Variants in MAGI2 observed in about 807,000 individuals in gnomAD.
MAGI2 encodes the protein membrane associated guanylate kinase, WW and PDZ domain containing 2.
MAGI2 carries 35 observed loss-of-function variants against 133.3 expected under a neutral mutation model. That is an observed-to-expected ratio of 0.26 (90% confidence interval 0.20 to 0.35). The LOEUF is 0.35. MAGI2 is among the 10% of genes least tolerant of loss of function. The pLI is 1.00. For synonymous variants in MAGI2, 729 were observed against 710.6 expected, an observed-to-expected ratio of 1.03 and a Z score of -0.41; for missense variants, 1,636 against 1,863.4, an observed-to-expected ratio of 0.88 and a Z score of 2.25.
chr7:78,654,195 C>G (rs1208558354), intron 2 of MAGI2, among the ~76,000 whole-genome samples: 1 of 152,134 alleles, frequency 6.6e-6, no homozygotes, highest in Non-Finnish European at 1.5e-5. Context: ...GGCTCTATCA[C>G]TTACTAGCTG....
chr7:79,092,469 TAA>T (rs1185018481), intron 1 of MAGI2, among the ~76,000 whole-genome samples: 1 of 152,204 alleles, frequency 6.6e-6, no homozygotes, highest in Non-Finnish European at 1.5e-5. Flanking sequence ...TAGAAATGAT[TAA>T]GTTTTTAACT....
chr7:78,080,294 G>T (rs1012900378), intron 20 of MAGI2, among the ~76,000 whole-genome samples: 2 of 152,222 alleles, frequency 1.3e-5, no homozygotes, highest in African/African-American at 4.8e-5. Flanking sequence ...ATACTCAGCT[G>T]CCTTTAGAAG....
chr7:78,397,648 G>T (rs1046239848), intron 6 of MAGI2, among the ~76,000 whole-genome samples: 2 of 152,078 alleles, frequency 1.3e-5, no homozygotes, highest in East Asian at 3.9e-4. Context: ...CTGAGTTAGG[G>T]CTCAGAAACT....
intron 9 of MAGI2, among the ~76,000 whole-genome samples, chr7:78,302,260 T>A (rs1001244745): frequency 6.6e-6 from 1 of 152,198 alleles, no homozygotes; most frequent in African/African-American, 2.4e-5. Flanking sequence ...CTCAGTAGAC[T>A]ATGGAAAAGT....
At chr7:79,309,978 A>AAAAAAG (rs1554440741) in intron 1 of MAGI2, among the ~76,000 whole-genome samples, 3 of 144,876 alleles carry the variant, frequency 2.1e-5, no homozygotes, top group South Asian at 2.2e-4. Context: ...TAAAAAAAAA[A>AAAAAAG]AAAAAGAAAA....
chr7:78,565,963 T>TA (rs1003785978), intron 3 of MAGI2, among the ~76,000 whole-genome samples: 1 of 152,114 alleles, frequency 6.6e-6, no homozygotes, highest in Non-Finnish European at 1.5e-5. Context: ...TAGTCATCTG[T>TA]AAAATGAGGA....
At chr7:78,770,939 T>C (rs1825525641) in intron 2 of MAGI2, 1 of 152,258 alleles carries the variant, frequency 6.6e-6, no homozygotes, top group Non-Finnish European at 1.5e-5. Context: ...AAACCACCTG[T>C]ACTGATCCAA....
intron 1 of MAGI2, among the ~76,000 whole-genome samples, chr7:79,421,484 C>T (rs1325054056): frequency 3.3e-5 from 5 of 151,910 alleles, no homozygotes; most frequent in East Asian, 1.9e-4. Flanking sequence ...TTGCATTGTT[C>T]TTAAAATATT....
intron 1 of MAGI2, among the ~76,000 whole-genome samples, chr7:79,208,169 C>A (rs1829220252): frequency 6.6e-6 from 1 of 151,746 alleles, no homozygotes; most frequent in Non-Finnish European, 1.5e-5. Flanking sequence ...GGCAACAAAG[C>A]AAAAACAGAC....
chr7:78,796,111 A>G (rs1787590589), intron 2 of MAGI2, among the ~76,000 whole-genome samples: 1 of 152,192 alleles, frequency 6.6e-6, no homozygotes, highest in African/African-American at 2.4e-5. Context: ...AAGCATGGAC[A>G]ACAGAAGCAA....
chr7:79,185,712 C>T (rs1827025344), intron 1 of MAGI2, among the ~76,000 whole-genome samples: 1 of 151,674 alleles, frequency 6.6e-6, no homozygotes, highest in African/African-American at 2.4e-5. Flanking sequence ...CAAAGAACAA[C>T]ATCGTGTTGA....
intron 3 of MAGI2, among the ~76,000 whole-genome samples, chr7:78,557,546 A>G (rs1261460618): frequency 2.6e-5 from 4 of 152,170 alleles, no homozygotes; most frequent in Non-Finnish European, 5.9e-5. Context: ...TATGAAACAC[A>G]TATGGAGGCT....
At chr7:78,365,203 C>T (rs1352279632) in intron 7 of MAGI2, among the ~76,000 whole-genome samples, 3 of 151,952 alleles carry the variant, frequency 2.0e-5, no homozygotes, top group Admixed American at 6.6e-5. Flanking sequence ...GCTGGTGGCT[C>T]AGAATGCCTG....
chr7:78,453,119 T>G (rs1788906794), intron 6 of MAGI2, among the ~76,000 whole-genome samples: 1 of 152,172 alleles, frequency 6.6e-6, no homozygotes, highest in African/African-American at 2.4e-5. Context: ...AATCTCACAA[T>G]GTCACAGCTC....
chr7:79,176,418 A>G (rs912198490), intron 1 of MAGI2, among the ~76,000 whole-genome samples: 3 of 151,974 alleles, frequency 2.0e-5, no homozygotes, highest in Admixed American at 6.6e-5. Flanking sequence ...TCTGCACAGT[A>G]TTTCTTCTCT....
At chr7:78,567,233 A>G (rs1052843087) in intron 3 of MAGI2, among the ~76,000 whole-genome samples, 3 of 152,178 alleles carry the variant, frequency 2.0e-5, no homozygotes, top group African/African-American at 7.2e-5. Flanking sequence ...CTTATTTACC[A>G]TTTCAGAAGA....
intron 2 of MAGI2, among the ~76,000 whole-genome samples, chr7:78,922,394 C>T (rs1353662933): frequency 1.3e-5 from 2 of 151,618 alleles, no homozygotes; most frequent in African/African-American, 2.4e-5. Context: ...TCCCTGTGTC[C>T]ATGTGTTCTC....
intron 9 of MAGI2, among the ~76,000 whole-genome samples, chr7:78,290,635 T>G (rs1413467796): frequency 1.3e-5 from 2 of 152,204 alleles, no homozygotes; most frequent in African/African-American, 2.4e-5. Flanking sequence ...ATCAACAGAA[T>G]ATACATTCTT....
chr7:79,052,925 A>G (rs1812806811), intron 1 of MAGI2, among the ~76,000 whole-genome samples: 1 of 152,160 alleles, frequency 6.6e-6, no homozygotes, highest in African/African-American at 2.4e-5. Flanking sequence ...AATATAGTTG[A>G]AATGAAACAG....
Sources: gnomAD v4.1 joint callset for allele counts (sites outside exome capture counted in the v4.1 genomes callset) on GRCh38, gnomAD v4.1.1 for gene constraint, MANE v1.5 for transcripts, NCBI Gene and HGNC (gene_info 2026-07-23, HGNC 2026-07-21) for gene names.